SND1: variants seen among roughly 807,000 people sequenced by gnomAD.
SND1 encodes the protein staphylococcal nuclease domain-containing protein 1.
Under a neutral mutation model 121.7 loss-of-function variants are expected in SND1, and 38 were observed. That is an observed-to-expected ratio of 0.31 (90% confidence interval 0.24 to 0.41). The LOEUF (loss-of-function observed/expected upper bound fraction) is 0.41, where lower values mean the gene tolerates loss of function less well. Ranked by LOEUF, SND1 falls within the 10% of genes least tolerant of loss-of-function variation. The probability of loss-of-function intolerance (pLI) is 1.00; values close to 1 mark genes in which losing one functional copy is unlikely to be tolerated. For synonymous variants in SND1, 401 were observed against 447.4 expected (o/e 0.90, Z 1.31); for missense variants, 868 against 1,184.6 (o/e 0.73, Z 3.92).
At chr7:127,717,738 A>T (rs530998115) in intron 9 of SND1, among the ~76,000 whole-genome samples, 4 of 152,162 alleles carry the variant, frequency 2.6e-5, no homozygotes, top group Non-Finnish European at 5.9e-5. Flanking sequence ...TGGGCTGAGA[A>T]TCCTTTTGTT....
At chr7:127,993,112 C>T (rs1444066626) in intron 16 of SND1, among the ~76,000 whole-genome samples, 2 of 152,148 alleles carry the variant, frequency 1.3e-5, no homozygotes, top group African/African-American at 4.8e-5. Flanking sequence ...GTTCTTTACA[C>T]TGAGAAAATG....
intron 10 of SND1, among the ~76,000 whole-genome samples, chr7:127,780,671 C>G (rs1249404784): frequency 1.3e-5 from 2 of 152,216 alleles, no homozygotes; most frequent in East Asian, 3.8e-4. Flanking sequence ...GGGTTTTGCT[C>G]ACTAATCATA....
intron 16 of SND1, among the ~76,000 whole-genome samples, chr7:128,048,721 G>A (rs968915242): frequency 1.2e-4 from 19 of 152,144 alleles, no homozygotes; most frequent in African/African-American, 4.6e-4. Flanking sequence ...ACGGCAGAAA[G>A]CTATTAGAAA....
At position 128,053,985 on chromosome 7, in the gene SND1, G is replaced by T. The variant is rs368036672; in HGVS notation, c.1780-20517G>T. On this transcript the variant is annotated intron_variant, in intron 16 of 23. Coordinates refer to ENST00000354725, the MANE Select transcript of SND1 (RefSeq NM_014390.4). Reference sequence around the variant, plus strand: ...ATAAAACAAGGTAATGGGAATGGCCGGTACAGGGGGCAGGCCCCTGGAGAA... The same window carrying T: ...ATAAAACAAGGTAATGGGAATGGCCTGTACAGGGGGCAGGCCCCTGGAGAA... 9.0e-4 allele frequency among the ~76,000 whole-genome samples: 137 copies of T among 152,364 alleles called. 1 individual carries two copies. Among genetic ancestry groups the T allele is most frequent in the Middle Eastern group, 3.4e-3 (1 of 294 alleles).
chr7:127,848,305 G>A (rs114191644), intron 12 of SND1, among the ~76,000 whole-genome samples: 320 of 152,306 alleles, frequency 2.1e-3, no homozygotes, highest in Admixed American at 5.1e-3. Flanking sequence ...ATTTAATGAA[G>A]TATGTAATTA....
At chr7:127,996,736 T>C (rs1260105306) in intron 16 of SND1, among the ~76,000 whole-genome samples, 1 of 152,182 alleles carries the variant, frequency 6.6e-6, no homozygotes, top group African/African-American at 2.4e-5. Flanking sequence ...CAATGTTTCA[T>C]TTATTTTCAC....
chr7:127,977,345 T>A (rs1191453396), intron 15 of SND1, among the ~76,000 whole-genome samples: 1 of 152,066 alleles, frequency 6.6e-6, no homozygotes, highest in South Asian at 2.1e-4. Flanking sequence ...AAATAAGACT[T>A]GAGAATGAGA....
intron 10 of SND1, among the ~76,000 whole-genome samples, chr7:127,747,084 G>C (rs1796995839): frequency 6.6e-6 from 1 of 152,240 alleles, no homozygotes; most frequent in Non-Finnish European, 1.5e-5. Context: ...TGTTTTGCTT[G>C]TGTATAGGGA....
chr7:127,705,603 A>G (rs966377293), intron 8 of SND1, among the ~76,000 whole-genome samples: 5 of 151,812 alleles, frequency 3.3e-5, no homozygotes, highest in African/African-American at 1.2e-4. Context: ...GTAGATGTAG[A>G]TGTAGATGTA....
At chr7:127,703,124 C>T in intron 6 of SND1, 41 bp from the exon 7 acceptor site, 3 of 1,612,332 alleles carry the variant, frequency 1.9e-6, no homozygotes, top group South Asian at 1.1e-5. Flanking sequence ...CTAGCACTCA[C>T]ATTTAGGCTG....
In SND1 at chr7:128,085,788, T is replaced by C. The variant is rs552833726; in HGVS notation, c.2304+8T>C. 6.2e-7 allele frequency: 1 copy of C among 1,613,292 alleles called. No homozygotes were observed. Among genetic ancestry groups the C allele is most frequent in the Non-Finnish European group, 8.5e-7 (1 of 1,179,316 alleles). On this transcript the variant is annotated splice_region_variant and intron_variant, in intron 20 of 23. Coordinates refer to ENST00000354725, the MANE Select transcript of SND1 (RefSeq NM_014390.4). This position sits in a 1 kb window ranked among gnomAD's most constrained non-coding sequence, Gnocchi z 4.4. ...TACATTGACTACGGCAACGTGAGTGTTGGGGACCAGAGTGTTGGAGGGGCT... is the reference window on the plus strand; with the variant it reads ...TACATTGACTACGGCAACGTGAGTGCTGGGGACCAGAGTGTTGGAGGGGCT...
intron 16 of SND1, among the ~76,000 whole-genome samples, chr7:128,043,873 C>T (rs1037395202): frequency 1.3e-5 from 2 of 151,030 alleles, no homozygotes; most frequent in Non-Finnish European, 3.0e-5. Context: ...TACACACACA[C>T]ACACACACAC....
intron 10 of SND1, among the ~76,000 whole-genome samples, chr7:127,765,475 G>A (rs1168278537): frequency 1.3e-5 from 2 of 152,234 alleles, no homozygotes; most frequent in Non-Finnish European, 2.9e-5. Context: ...AAATATCACA[G>A]AATCGTGTGG....
intron 15 of SND1, among the ~76,000 whole-genome samples, chr7:127,983,394 T>C (rs1802311887): frequency 6.6e-6 from 1 of 151,960 alleles, no homozygotes; most frequent in Non-Finnish European, 1.5e-5. Context: ...AAAGGAGAGG[T>C]GTCCATAGTT....
chr7:127,895,258 G>A (rs1800095935), intron 13 of SND1, among the ~76,000 whole-genome samples: 1 of 152,074 alleles, frequency 6.6e-6, no homozygotes, highest in South Asian at 2.1e-4. Context: ...TGAATATGGT[G>A]AAAAACAGAG....
At chr7:128,061,437 T>G (rs1311418088) in intron 16 of SND1, among the ~76,000 whole-genome samples, 1 of 152,168 alleles carries the variant, frequency 6.6e-6, no homozygotes, top group African/African-American at 2.4e-5. Flanking sequence ...GTGGTCCCTG[T>G]GTGGAGAAGC....
chr7:128,028,432 C>T (rs1379897579), intron 16 of SND1: 1 of 395,990 alleles, frequency 2.5e-6, no homozygotes, highest in African/African-American at 2.1e-5. Flanking sequence ...AGCAAGTTAA[C>T]TTGTGGCTTG....
intron 10 of SND1, among the ~76,000 whole-genome samples, chr7:127,725,912 T>TGGA: frequency 6.6e-6 from 1 of 152,342 alleles, no homozygotes; most frequent in East Asian, 1.9e-4. Flanking sequence ...AATGGGACTT[T>TGGA]CCCTTCAAGG....
At chr7:127,713,120 T>G (rs1332859733) in intron 9 of SND1, among the ~76,000 whole-genome samples, 1 of 152,256 alleles carries the variant, frequency 6.6e-6, no homozygotes, top group East Asian at 1.9e-4. Flanking sequence ...ATTTTAGGCT[T>G]GGTGGCCATG....
Sources: allele counts gnomAD v4.1 joint callset (sites outside exome capture counted in the v4.1 genomes callset), GRCh38; gene constraint gnomAD v4.1.1; non-coding constraint Gnocchi (gnomAD v3.1); transcripts MANE v1.5; gene names NCBI Gene and HGNC (gene_info 2026-07-23, HGNC 2026-07-21).